The following DNAH17 variants were observed in gnomAD, a reference collection of about 807,000 sequenced individuals.
The protein encoded by DNAH17 is dynein axonemal heavy chain 17.
A neutral mutation model predicts 485.6 loss-of-function variants in DNAH17; 376 were observed. The ratio of observed to expected loss-of-function variants is 0.77; its 90% confidence interval spans 0.71 to 0.84. The LOEUF is 0.84. Among genes scored for constraint, DNAH17 ranks in the 40% least tolerant of loss-of-function variants. DNAH17 has a pLI of 0.00. For synonymous variants in DNAH17, 3,031 were observed against 2,405.9 expected (o/e 1.26, Z -7.60); for missense variants, 6,370 against 5,839.3 (o/e 1.09, Z -2.96).
At chr17:78,474,561 GTAACAAT>G (rs1460780260) in intron 54 of DNAH17, among the ~76,000 whole-genome samples, 1 of 152,226 alleles carries the variant, frequency 6.6e-6, no homozygotes, top group Admixed American at 6.5e-5. Context: ...GAGAGAATAG[GTAACAAT>G]TTGGAACACT....
chr17:78,541,675 T>G (rs2143453728), intron 17 of DNAH17, among the ~76,000 whole-genome samples: 2 of 152,136 alleles, frequency 1.3e-5, no homozygotes, highest in South Asian at 4.2e-4. Context: ...TCTGCCCCTC[T>G]TAGGCTCCTG....
chr17:78,544,314 T>C (rs1298170956), intron 16 of DNAH17, among the ~76,000 whole-genome samples: 1 of 152,174 alleles, frequency 6.6e-6, no homozygotes, highest in East Asian at 1.9e-4. Context: ...ATTCTCTCTT[T>C]AGGGGGACGG....
In DNAH17 at chr17:78,501,358, C is replaced by T. The variant is rs552934339; in HGVS notation, c.5323-14G>A. 5.6e-5 allele frequency: 88 copies of T among 1,578,438 alleles called. No individual in the cohort carries two copies. The highest frequency in any genetic ancestry group is 5.1e-4 in the African/African-American group (38 of 74,468). ...AGAACTCTCCACCTGCAGGATGAGCCGGAGCTCTTGTTGCCAGGTGGAATA... is the reference window on the plus strand; with the variant it reads ...AGAACTCTCCACCTGCAGGATGAGCTGGAGCTCTTGTTGCCAGGTGGAATA... On this transcript the variant is annotated splice_polypyrimidine_tract_variant and intron_variant, in intron 34 of 80. Transcript: ENST00000389840.
chr17:78,567,078 G>A lies in DNAH17; in HGVS notation c.1373C>T (p.Thr458Ile), dbSNP rs1156623996. The A allele has an allele frequency of 1.2e-6, 2 of 1,613,408 alleles. No individual in the cohort carries two copies. Among genetic ancestry groups the A allele is most frequent in the Middle Eastern group, 1.6e-4 (1 of 6,084 alleles). ...VRGNLLGSLV[T>I]RIYDEVFELV... The stretch of plus-strand genomic sequence containing the variant: ...CTCAAAGACCTCATCATAGATACGG[G>A]TCACCAGGCTCCCGAGGAGGTTCCC... Residue 458 changes from threonine to isoleucine, a missense_variant, in exon 10 of 81, where the codon ACC becomes ATC. By Grantham distance (89) the Thr-to-Ile change is moderately conservative. Transcript: ENST00000389840.
intron 48 of DNAH17, among the ~76,000 whole-genome samples, 177 bp from the exon 49 acceptor site, chr17:78,480,963 T>C (rs1476323589): frequency 2.0e-5 from 3 of 152,034 alleles, no homozygotes. Context: ...CTTTGCCTAA[T>C]TTTTTGCATT....
chr17:78,520,172 C>T (rs1221760200), intron 25 of DNAH17, among the ~76,000 whole-genome samples: 1 of 152,070 alleles, frequency 6.6e-6, no homozygotes, highest in African/African-American at 2.4e-5. Context: ...TCAATCATAT[C>T]AGTAAACACA....
intron 56 of DNAH17, among the ~76,000 whole-genome samples, chr17:78,463,434 G>A (rs538434804): frequency 1.1e-4 from 17 of 149,708 alleles, no homozygotes; most frequent in Middle Eastern, 3.4e-3. Flanking sequence ...ATATACACGT[G>A]CATACGCATT....
intron 44 of DNAH17, chr17:78,490,225 C>T (rs2089788584): frequency 6.4e-6 from 1 of 156,086 alleles, no homozygotes. Context: ...AGCGCCTTCC[C>T]GTCAGGAGCA....
chr17:78,429,847 G>A (rs1357294145), intron 75 of DNAH17, among the ~76,000 whole-genome samples: 2 of 152,188 alleles, frequency 1.3e-5, no homozygotes, highest in African/African-American at 2.4e-5. Flanking sequence ...CTTCCACCCT[G>A]TGGAAGTAGA....
intron 16 of DNAH17, among the ~76,000 whole-genome samples, chr17:78,548,202 CTTTTTTT>C (rs34701814): frequency 2.5e-5 from 2 of 80,120 alleles, no homozygotes; most frequent in African/African-American, 1.1e-4. Flanking sequence ...ATGTCATGGC[CTTTTTTT>C]TTTTTTTTTT....
chr17:78,426,352 A>T, intron 79 of DNAH17, 105 bp downstream of exon 79: 1 of 1,353,646 alleles, frequency 7.4e-7, no homozygotes, highest in East Asian at 2.7e-5. Context: ...GGCCCCCAGG[A>T]GCCTCCTGGC....
Position 78,479,595 on chromosome 17 carries a change from T to G in DNAH17, c.7790A>C (p.Gln2597Pro). The change falls in exon 50 of 81, where the codon CAG becomes CCG. Residue 2597 changes from glutamine (Q) to proline (P), a missense_variant. Gln to Pro is a moderately conservative substitution (Grantham distance 76). Coordinates refer to ENST00000389840, the MANE Select transcript of DNAH17 (RefSeq NM_173628.4). ...GTTGTAGATGGTGGTGAGGGCCTCCTGGCCGGGGAAGCTCACAGCAAACAC... is the reference window on the plus strand; with the variant it reads ...GTTGTAGATGGTGGTGAGGGCCTCCGGGCCGGGGAAGCTCACAGCAAACAC... ...FCVFAVSFPG[Q>P]EALTTIYNTI... 4 of 1,613,430 alleles carry G rather than the reference T, an allele frequency of 2.5e-6. No homozygotes were observed. Among genetic ancestry groups the G allele is most frequent in the Non-Finnish European group, 3.4e-6 (4 of 1,179,804 alleles).
In DNAH17 at chr17:78,485,684, G is replaced by C; in HGVS notation, c.7349C>G (p.Pro2450Arg). ...FMDLLMEKSWPVMLVGNAGTG... is the reference protein window; with the variant it reads ...FMDLLMEKSWRVMLVGNAGTG... ...CCCCGCGTTCCCCACCAGCATCACC[G>C]GCCAGGACTTCTCCATGAGCAGGTC... is the stretch of plus-strand genomic sequence containing the variant. The change falls in exon 47 of 81, where the codon CCG becomes CGG. Residue 2450 changes from proline to arginine, a missense_variant. Pro to Arg is a moderately radical substitution (Grantham distance 103, BLOSUM62 -2). Coordinates refer to ENST00000389840, the MANE Select transcript of DNAH17 (RefSeq NM_173628.4). 6.2e-7 allele frequency: 1 copy of C among 1,614,016 alleles called. No homozygotes were observed. Among genetic ancestry groups the C allele is most frequent in the Non-Finnish European group, 8.5e-7 (1 of 1,179,896 alleles).
At chr17:78,481,093 C>G (rs893693884) in intron 48 of DNAH17, among the ~76,000 whole-genome samples, 2 of 147,202 alleles carry the variant, frequency 1.4e-5, no homozygotes, top group African/African-American at 5.1e-5. Flanking sequence ...CCACGCCCGC[C>G]CCCCATCCCC....
chr17:78,492,239 G>T (rs146979984), intron 42 of DNAH17, among the ~76,000 whole-genome samples: 2 of 152,198 alleles, frequency 1.3e-5, no homozygotes, highest in Non-Finnish European at 2.9e-5. Flanking sequence ...ACCCAGTGAC[G>T]CCACCTCCTG....
rs1315973056 is a variant in DNAH17, at chr17:78,566,629, G to C, written c.1554C>G (p.Ile518Met). 1.2e-6 allele frequency: 2 copies of C among 1,607,452 alleles called. No homozygotes were observed. The highest frequency in any genetic ancestry group is 1.1e-5 in the South Asian group (1 of 89,440). ...GCATGCTTACCTTTGCGGAGGACTT[G>C]ATACAGCTGCAGTCATCAAATCCTT... is the stretch of plus-strand genomic sequence containing the variant. ...FCQGFDDCSC[I>M]KSSAKLLYMC... The change falls in exon 11 of 81, where the codon ATC becomes ATG. Residue 518 changes from isoleucine to methionine, a missense_variant. Coordinates refer to ENST00000389840, the MANE Select transcript of DNAH17 (RefSeq NM_173628.4).
intron 25 of DNAH17, among the ~76,000 whole-genome samples, chr17:78,516,747 GAA>G (rs1435421787): frequency 6.7e-6 from 1 of 148,906 alleles, no homozygotes; most frequent in Non-Finnish European, 1.5e-5. Flanking sequence ...GTTAATTGTT[GAA>G]AAAGTATCAA....
At chr17:78,517,246 G>T (rs1355737379) in intron 25 of DNAH17, among the ~76,000 whole-genome samples, 3 of 152,228 alleles carry the variant, frequency 2.0e-5, no homozygotes, top group African/African-American at 7.2e-5. Context: ...GTTTTGCCAT[G>T]TTGGCCAGAC....
Position 78,507,546 on chromosome 17 carries a change from A to T in DNAH17, c.4496T>A (p.Leu1499Gln). The stretch of plus-strand genomic sequence containing the variant: ...TTCGGAGCCGATGAAGATGCTCTCC[A>T]GGTGGCTCCAGGTTCGCTGGACCTC... ...WFEVQRTWSH[L>Q]ESIFIGSEDI... is the part of the protein sequence containing the mutation. Residue 1499 changes from leucine (L) to glutamine (Q), a missense_variant, in exon 28 of 81, where the codon CTG (leucine) becomes CAG (glutamine). Coordinates refer to ENST00000389840, the MANE Select transcript of DNAH17 (RefSeq NM_173628.4). 6.2e-7 allele frequency: 1 copy of T among 1,614,028 alleles called. No homozygotes were observed. The highest frequency in any genetic ancestry group is 8.5e-7 in the Non-Finnish European group (1 of 1,179,866).
Sources: gnomAD v4.1 joint callset for allele counts (sites outside exome capture counted in the v4.1 genomes callset) on GRCh38, gnomAD v4.1.1 for gene constraint, MANE v1.5 for transcripts, NCBI Gene and HGNC (gene_info 2026-07-23, HGNC 2026-07-21) for gene names.